CD34: variants seen among roughly 807,000 people sequenced by gnomAD.
The protein encoded by CD34 is CD34 molecule, also known as hematopoietic progenitor cell antigen CD34.
CD34 carries 34 observed loss-of-function variants against 40.1 expected under a neutral mutation model. The observed-to-expected ratio is 0.85, with a 90% CI of 0.65 to 1.13. CD34 has a LOEUF of 1.13. Ranked by LOEUF, CD34 falls within the 50% of genes most tolerant of loss-of-function variation. CD34 has a pLI of 0.00. For missense variants in CD34, 426 were observed against 466.9 expected, an observed-to-expected ratio of 0.91 and a Z score of 0.81; for synonymous variants, 209 against 190.0, an observed-to-expected ratio of 1.10 and a Z score of -0.82.
At chr1:207,896,569 A>T (rs1022670339) in intron 4 of CD34, among the ~76,000 whole-genome samples, 6 of 152,214 alleles carry the variant, frequency 3.9e-5, no homozygotes, top group African/African-American at 1.4e-4. Context: ...TATCAGTGAC[A>T]ATCAATTTGA....
intron 4 of CD34, chr1:207,889,985 T>C: frequency 1.4e-6 from 2 of 1,436,710 alleles, no homozygotes; most frequent in South Asian, 1.5e-5. Flanking sequence ...AGAGAAAATA[T>C]TCTGTTTCAA....
rs759880877 is a variant in CD34 at position 207,888,169 on chromosome 1, G to C, written c.973-246C>G. ...GCACCACACCATGCCACCGCAGCTC[G>C]GCAGCCAGCTCCCGCAGGAAAACGG... is the stretch of plus-strand genomic sequence containing the variant. On this transcript the variant is annotated intron_variant, in intron 7 of 7. Transcript: ENST00000310833. The C allele has an allele frequency of 1.9e-5, 30 of 1,603,098 alleles. No homozygotes were observed. The South Asian group carries it at 2.8e-4, about 15-fold the overall frequency.
In CD34 at chr1:207,887,713, C is replaced by T. The variant is rs1344002910; in HGVS notation, c.*25G>A. On this transcript the variant is annotated 3_prime_UTR_variant, in exon 8 of 8. Coordinates refer to ENST00000310833, the MANE Select transcript of CD34 (RefSeq NM_001025109.2). ...GAGAGGGGTGCTCTCTCGGACACTG[C>T]CCAGCCTTGCCCCACCTAGCCGAGT... is the stretch of plus-strand genomic sequence containing the variant. The T allele has an allele frequency of 3.1e-6, 5 of 1,613,798 alleles. No individual in the cohort carries two copies. The South Asian group carries it at 3.3e-5, about 11-fold the overall frequency.
At chr1:207,893,354 G>A (rs1341968701) in intron 4 of CD34, among the ~76,000 whole-genome samples, 1 of 152,066 alleles carries the variant, frequency 6.6e-6, no homozygotes, top group Non-Finnish European at 1.5e-5. Flanking sequence ...ATCCTAGAAC[G>A]CTGAGATTCT....
At chr1:207,902,753 T>C (rs773967679) in intron 1 of CD34, among the ~76,000 whole-genome samples, 12 of 152,100 alleles carry the variant, frequency 7.9e-5, no homozygotes, top group African/African-American at 1.2e-4. Context: ...ACAAACACTT[T>C]TGAACTTTTC....
At chr1:207,899,393 A>C (rs2724369) in intron 2 of CD34, among the ~76,000 whole-genome samples, 167 bp from the exon 3 acceptor site, 140,778 of 152,186 alleles carry the variant, frequency 0.93, 65,606 homozygotes, top group Non-Finnish European at 0.98. Flanking sequence ...CTGTTGGAAC[A>C]AGAGCTAGAA....
intron 4 of CD34, among the ~76,000 whole-genome samples, chr1:207,892,394 A>G (rs936524325): frequency 3.3e-5 from 5 of 152,172 alleles, no homozygotes; most frequent in Non-Finnish European, 7.3e-5. Context: ...CCTGGCCAAA[A>G]TGGTGAAACT....
chr1:207,900,020 A>G lies in CD34; in HGVS notation c.80-17T>C. On this transcript the variant is annotated splice_polypyrimidine_tract_variant and intron_variant, in intron 1 of 7. Transcript: ENST00000310833. The stretch of plus-strand genomic sequence containing the variant: ...ACCCAGAAGCTATAGGGAAACGAGG[A>G]GGAAGAATCAGAACCTAAAGATATC... 1.3e-6 allele frequency: 2 copies of G among 1,584,860 alleles called. No homozygotes were observed. Among genetic ancestry groups the G allele is most frequent in the Non-Finnish European group, 1.7e-6 (2 of 1,165,070 alleles).
In CD34 at chr1:207,885,693, G is replaced by A. The variant is rs1285428076; in HGVS notation, c.*2045C>T. On this transcript the variant is annotated 3_prime_UTR_variant, in exon 8 of 8. Transcript: ENST00000310833. ...AACCCTCAAGGCAGCCATCGCCTTT[G>A]AGGGAAGACTCTGAACCTCATCATT... The A allele has an allele frequency of 6.6e-6, 1 of 152,114 alleles. No individual in the cohort carries two copies. Among genetic ancestry groups the A allele is most frequent in the Admixed American group, 6.6e-5 (1 of 15,266 alleles). 9.4% of individuals were successfully genotyped at this position (152,114 alleles called of 1,614,324 possible). A position where few individuals can be genotyped will look rare whatever the true frequency, so the allele number is the denominator to read the frequency against.
At position 207,888,763 on chromosome 1, in the gene CD34, C is replaced by G. The variant is rs201757763; in HGVS notation, c.891G>C (p.Ser297=). 6.2e-7 allele frequency: 1 copy of G among 1,614,080 alleles called. No individual in the cohort carries two copies. Among genetic ancestry groups the G allele is most frequent in the African/African-American group, 1.3e-5 (1 of 74,930 alleles). The change falls in exon 7 of 8, where the codon TCG becomes TCC. Residue 297 remains serine, a synonymous_variant. Coordinates refer to ENST00000310833, the MANE Select transcript of CD34 (RefSeq NM_001025109.2). ...SQKTLIALVT[S]GALLAVLGIT... ...TGCCCAAGACAGCCAGCAGGGCTCCCGAGGTGACCAGTGCAATCAGGGTCT... is the reference window on the plus strand; with the variant it reads ...TGCCCAAGACAGCCAGCAGGGCTCCGGAGGTGACCAGTGCAATCAGGGTCT...
At position 207,887,705 on chromosome 1, in the gene CD34, G is replaced by A. The variant is rs778808640; in HGVS notation, c.*33C>T. ...CAGATGCAGAGAGGGGTGCTCTCTC[G>A]GACACTGCCCAGCCTTGCCCCACCT... On this transcript the variant is annotated 3_prime_UTR_variant, in exon 8 of 8. Coordinates refer to ENST00000310833, the MANE Select transcript of CD34 (RefSeq NM_001025109.2). The A allele has an allele frequency of 2.7e-5, 44 of 1,613,190 alleles. No homozygotes were observed. In the East Asian group the frequency reaches 4.5e-4, roughly 16 times the overall value.
At chr1:207,899,371 A>T in intron 2 of CD34, 145 bp from the exon 3 acceptor site, 1 of 823,318 alleles carries the variant, frequency 1.2e-6, no homozygotes. Flanking sequence ...CCCTGACCAA[A>T]CTCATTTCAA....
rs893199147 is a variant in CD34 at position 207,887,291 on chromosome 1, G to A, written c.*447C>T. On this transcript the variant is annotated 3_prime_UTR_variant, in exon 8 of 8. Coordinates refer to ENST00000310833, the MANE Select transcript of CD34 (RefSeq NM_001025109.2). ...AGAGCAGGTGCAAAAGGTTACTTTG[G>A]TTTCCTCAAAGTAGAGAAAGAAAAT... 6.0e-6 allele frequency: 1 copy of A among 165,714 alleles called. No individual in the cohort carries two copies. Among genetic ancestry groups the A allele is most frequent in the African/African-American group, 2.4e-5 (1 of 41,722 alleles). The allele number at this position is 165,714 out of a possible 1,614,324, so 10.3% of individuals were successfully genotyped here.
chr1:207,903,366 A>G (rs1662316379), intron 1 of CD34, among the ~76,000 whole-genome samples: 1 of 152,166 alleles, frequency 6.6e-6, no homozygotes, highest in Non-Finnish European at 1.5e-5. Flanking sequence ...GTCACATCCT[A>G]AGAGACAATT....
chr1:207,900,018 G>C lies in CD34; in HGVS notation c.80-15C>G. 1.3e-6 allele frequency: 2 copies of C among 1,589,954 alleles called. No individual in the cohort carries two copies. Among genetic ancestry groups the C allele is most frequent in the Non-Finnish European group, 1.7e-6 (2 of 1,168,390 alleles). Reference sequence around the variant, plus strand: ...GAACCCAGAAGCTATAGGGAAACGAGGAGGAAGAATCAGAACCTAAAGATA... The same window carrying C: ...GAACCCAGAAGCTATAGGGAAACGACGAGGAAGAATCAGAACCTAAAGATA... On this transcript the variant is annotated splice_polypyrimidine_tract_variant and intron_variant, in intron 1 of 7. Coordinates refer to ENST00000310833, the MANE Select transcript of CD34 (RefSeq NM_001025109.2).
intron 2 of CD34, 109 bp downstream of exon 2, chr1:207,899,712 A>T (rs1419069026): frequency 2.5e-5 from 24 of 944,126 alleles, no homozygotes; most frequent in Admixed American, 1.9e-4. Context: ...AATACTAGGG[A>T]CTTGTATAAT....
At chr1:207,904,907 G>T (rs1662346180) in intron 1 of CD34, among the ~76,000 whole-genome samples, 1 of 152,168 alleles carries the variant, frequency 6.6e-6, no homozygotes, top group African/African-American at 2.4e-5. Context: ...GCTACCTCTA[G>T]TCATGGCAGT....
chr1:207,902,849 T>A lies in CD34; in HGVS notation c.80-2846A>T, dbSNP rs1662301419. Among the ~76,000 whole-genome samples the A allele has an allele frequency of 7.2e-5, 11 of 152,290 alleles. No homozygotes were observed. The South Asian group carries it at 2.3e-3, about 32-fold the overall frequency. Reference sequence around the variant, plus strand: ...AAAGCAACTCTGGACCCAAGCCAGCTACTGACCCACTGGGGCCAGGCTCGC... The same window carrying A: ...AAAGCAACTCTGGACCCAAGCCAGCAACTGACCCACTGGGGCCAGGCTCGC... On this transcript the variant is annotated intron_variant, in intron 1 of 7. Coordinates refer to ENST00000310833, the MANE Select transcript of CD34 (RefSeq NM_001025109.2).
intron 1 of CD34, among the ~76,000 whole-genome samples, chr1:207,908,082 CG>C (rs1302748192): frequency 3.3e-5 from 5 of 152,178 alleles, no homozygotes; most frequent in African/African-American, 1.2e-4. Context: ...ATGAGACCAA[CG>C]GTAAGAAGTG....
Sources: allele counts gnomAD v4.1 joint callset (sites outside exome capture counted in the v4.1 genomes callset), GRCh38; gene constraint gnomAD v4.1.1; transcripts MANE v1.5; gene names NCBI Gene and HGNC (gene_info 2026-07-23, HGNC 2026-07-21).